The following TRIP13 variants were observed in gnomAD, a reference collection of about 807,000 sequenced individuals.
TRIP13 encodes thyroid hormone receptor interactor 13.
Under a neutral mutation model 54.4 loss-of-function variants are expected in TRIP13, and 25 were observed. The ratio of observed to expected loss-of-function variants is 0.46; its 90% CI spans 0.33 to 0.64. The LOEUF is 0.64. Ranked by LOEUF, TRIP13 falls within the 30% of genes least tolerant of loss-of-function variation. The pLI is 0.02. For synonymous variants in TRIP13, 207 were observed against 207.8 expected, an observed-to-expected ratio of 1.00 and a Z score of 0.03; for missense variants, 373 against 534.2, an observed-to-expected ratio of 0.70 and a Z score of 2.97.
intron 9 of TRIP13, among the ~76,000 whole-genome samples, chr5:910,614 G>C (rs1242540579): frequency 6.6e-6 from 1 of 152,140 alleles, no homozygotes. Context: ...AAGGGGGTGT[G>C]GCTCAGGAAG....
Position 907,886 on chromosome 5 carries a change from G to T in TRIP13, c.673-102G>T. 8.4e-7 allele frequency: 1 copy of T among 1,187,236 alleles called. No homozygotes were observed. Among genetic ancestry groups the T allele is most frequent in the South Asian group, 1.3e-5 (1 of 79,192 alleles). The allele number at this position is 1,187,236 out of a possible 1,614,324, so 73.5% of individuals were successfully genotyped here. On this transcript the variant is annotated intron_variant, in intron 7 of 12. Transcript: ENST00000166345. This position sits in a 1 kb window ranked among gnomAD's most constrained non-coding sequence, Gnocchi z 4.1. ...CTGAGGGGCCGTCAGGAGACAGTGG[G>T]CTTGTGGGGACAACTGGGGCAGCAG...
chr5:902,944 CT>C (rs1280208143), intron 5 of TRIP13, among the ~76,000 whole-genome samples: 1 of 152,220 alleles, frequency 6.6e-6, no homozygotes, highest in Admixed American at 6.5e-5. Context: ...ACTTTTAGTA[CT>C]TTCACTAATT....
rs1010711281 is a variant in TRIP13, at chr5:915,060, G to T, written c.1133+483G>T. ...GGCTGGGGAGGTGCCGGAGAGGCGGGGGGTGGAATGGACAGAGCCTCGGGT... is the reference window on the plus strand; with the variant it reads ...GGCTGGGGAGGTGCCGGAGAGGCGGTGGGTGGAATGGACAGAGCCTCGGGT... On this transcript the variant is annotated intron_variant, in intron 11 of 12. Transcript: ENST00000166345. This position sits in a 1 kb window ranked among gnomAD's most constrained non-coding sequence, Gnocchi z 4.2. Among the ~76,000 whole-genome samples the T allele has an allele frequency of 7.9e-5, 12 of 152,110 alleles. No homozygotes were observed. The highest frequency in any genetic ancestry group is 1.3e-4 in the Admixed American group (2 of 15,276).
In TRIP13 at chr5:901,209, T is replaced by G. The variant is rs887895767; in HGVS notation, c.445-132T>G. 7.0e-5 allele frequency: 46 copies of G among 654,216 alleles called. 1 individual carries two copies. The South Asian group carries it at 9.9e-4, about 14-fold the overall frequency. 40.5% of individuals were successfully genotyped at this position (654,216 alleles called of 1,614,324 possible). ...AAATGAAAGCGTTTGGAGGTGATGA[T>G]CTCTTAGGAGGCGGCCTCGCTCCCT... is the stretch of plus-strand genomic sequence containing the variant. On this transcript the variant is annotated intron_variant, in intron 4 of 12. Coordinates refer to ENST00000166345, the MANE Select transcript of TRIP13 (RefSeq NM_004237.4).
chr5:900,766 G>A (rs532208207), intron 4 of TRIP13, among the ~76,000 whole-genome samples: 6 of 152,340 alleles, frequency 3.9e-5, no homozygotes, highest in African/African-American at 9.6e-5. Flanking sequence ...AAGGGAGAAC[G>A]TGAAGGCAAC....
intron 9 of TRIP13, among the ~76,000 whole-genome samples, chr5:909,190 G>A (rs1754179552): frequency 6.6e-6 from 1 of 152,170 alleles, no homozygotes; most frequent in Non-Finnish European, 1.5e-5. Context: ...CCACAGCCCA[G>A]CCTCACAGGG....
In TRIP13 at chr5:892,906, C is replaced by A; in HGVS notation, c.-93C>A. ...GGCAGATTCGAAGCTAGGGCGGGGC[C>A]CGCGGGCTGAGGCAGCGGCTGTGGC... On this transcript the variant is annotated 5_prime_UTR_variant, in exon 1 of 13. Coordinates refer to ENST00000166345, the MANE Select transcript of TRIP13 (RefSeq NM_004237.4). The A allele has an allele frequency of 7.9e-7, 1 of 1,268,546 alleles. No individual in the cohort carries two copies. The highest frequency in any genetic ancestry group is 1.0e-6 in the Non-Finnish European group (1 of 966,602). 78.6% of individuals were successfully genotyped at this position (1,268,546 alleles called of 1,614,324 possible). A position where few individuals can be genotyped will look rare whatever the true frequency, so the allele number is the denominator to read the frequency against.
Position 917,175 on chromosome 5 carries a change from C to G in TRIP13, c.*72C>G. 1 of 1,474,958 alleles carries G rather than the reference C, an allele frequency of 6.8e-7. No homozygotes were observed. 91.4% of individuals were successfully genotyped at this position (1,474,958 alleles called of 1,614,324 possible). A position where few individuals can be genotyped will look rare whatever the true frequency, so the allele number is the denominator to read the frequency against. On this transcript the variant is annotated 3_prime_UTR_variant, in exon 13 of 13. Coordinates refer to ENST00000166345, the MANE Select transcript of TRIP13 (RefSeq NM_004237.4). ...CAGTAAGTGAGGTTGCCCCACACAGCCGTCTCCCAGGGAATCCCTTCTGCA... is the reference window on the plus strand; with the variant it reads ...CAGTAAGTGAGGTTGCCCCACACAGGCGTCTCCCAGGGAATCCCTTCTGCA...
Position 912,316 on chromosome 5 carries a change from C to T in TRIP13, c.1020+320C>T, listed in dbSNP as rs1366153103. On this transcript the variant is annotated intron_variant, in intron 10 of 12. Coordinates refer to ENST00000166345, the MANE Select transcript of TRIP13 (RefSeq NM_004237.4). The surrounding 1 kb of genome is among the most constrained non-coding windows in gnomAD (Gnocchi z 7.2). Reference sequence around the variant, plus strand: ...GCACAAACCTTAGTTCTCAGCTTACCCCGGGCTTTTCCAATGCCCTGCCTC... The same window carrying T: ...GCACAAACCTTAGTTCTCAGCTTACTCCGGGCTTTTCCAATGCCCTGCCTC... 6.6e-6 allele frequency among the ~76,000 whole-genome samples: 1 copy of T among 151,742 alleles called. No individual in the cohort carries two copies. Among genetic ancestry groups the T allele is most frequent in the African/African-American group, 2.4e-5 (1 of 41,292 alleles).
rs953944640 is a variant in TRIP13, at chr5:912,647, G to A, written c.1020+651G>A. On this transcript the variant is annotated intron_variant, in intron 10 of 12. Transcript: ENST00000166345. This position sits in a 1 kb window ranked among gnomAD's most constrained non-coding sequence, Gnocchi z 7.2. ...TCGCCACGGGCACAATGACATGTGC[G>A]GTGAGTGTGAGTCAGTAAGGCCGTC... is the stretch of plus-strand genomic sequence containing the variant. 1.3e-5 allele frequency among the ~76,000 whole-genome samples: 2 copies of A among 150,738 alleles called. No individual in the cohort carries two copies. Among genetic ancestry groups the A allele is most frequent in the South Asian group, 2.1e-4 (1 of 4,704 alleles).
chr5:893,210 C>T, intron 1 of TRIP13, 120 bp downstream of exon 1: 1 of 1,017,266 alleles, frequency 9.8e-7, no homozygotes, highest in Non-Finnish European at 1.4e-6. Flanking sequence ...GGTACTGATC[C>T]GGCCCGACTG....
intron 5 of TRIP13, among the ~76,000 whole-genome samples, 165 bp downstream of exon 5, chr5:901,596 G>C (rs1347444856): frequency 6.6e-6 from 1 of 151,290 alleles, no homozygotes; most frequent in African/African-American, 2.5e-5. Flanking sequence ...CATGACACTT[G>C]GGACATTTTT....
chr5:904,140 T>C lies in TRIP13; in HGVS notation c.536-8T>C, dbSNP rs1580054616. On this transcript the variant is annotated splice_polypyrimidine_tract_variant and splice_region_variant and intron_variant, in intron 5 of 12. Coordinates refer to ENST00000166345, the MANE Select transcript of TRIP13 (RefSeq NM_004237.4). ...TTAAAAATATATTTGCTTGGATCTT[T>C]GTCACAGGTCCTCCTGGCACTGGAA... 6.3e-7 allele frequency: 1 copy of C among 1,599,668 alleles called. No homozygotes were observed. Among genetic ancestry groups the C allele is most frequent in the Non-Finnish European group, 8.5e-7 (1 of 1,176,336 alleles).
In TRIP13 at chr5:908,132, C is replaced by G; in HGVS notation, c.759+58C>G. 1 of 1,579,040 alleles carries G rather than the reference C, an allele frequency of 6.3e-7. No individual in the cohort carries two copies. The highest frequency in any genetic ancestry group is 1.1e-5 in the South Asian group (1 of 90,348). On this transcript the variant is annotated intron_variant, in intron 8 of 12. Coordinates refer to ENST00000166345, the MANE Select transcript of TRIP13 (RefSeq NM_004237.4). This position sits in a 1 kb window ranked among gnomAD's most constrained non-coding sequence, Gnocchi z 5.2. Reference sequence around the variant, plus strand: ...GAATCGCCTTTTGCCATTGTGGGGACACAGCCTACTCCTGATGCTCCTAGC... The same window carrying G: ...GAATCGCCTTTTGCCATTGTGGGGAGACAGCCTACTCCTGATGCTCCTAGC...
rs867612011 is a variant in TRIP13 at position 908,953 on chromosome 5, G to A, written c.866+492G>A. On this transcript the variant is annotated intron_variant, in intron 9 of 12. Transcript: ENST00000166345. This position sits in a 1 kb window ranked among gnomAD's most constrained non-coding sequence, Gnocchi z 5.2. ...AGCCTGGGTGACAGAGCAAGACTCC[G>A]TCTCAGAAAAAAAAAATGTGAAAGA... The A allele has an allele frequency of 8.3e-5, 13 of 157,014 alleles. No individual in the cohort carries two copies. Among genetic ancestry groups the A allele is most frequent in the South Asian group, 5.7e-4 (3 of 5,254 alleles). The allele number at this position is 157,014 out of a possible 1,614,324, so 9.7% of individuals were successfully genotyped here.
At position 907,850 on chromosome 5, in the gene TRIP13, TAGGGAGCTTTCTG is replaced by T. The variant is rs1351193352; in HGVS notation, c.673-133_673-121del. Reference sequence around the variant, plus strand: ...CCATGCTGCCCTAGCTTCTCTGATTTAGGGAGCTTTCTGAGGGGCCGTCAGGAGACAGTGGGCT... The same window carrying T: ...CCATGCTGCCCTAGCTTCTCTGATTTAGGGGCCGTCAGGAGACAGTGGGCT... On this transcript the variant is annotated intron_variant, in intron 7 of 12. Transcript: ENST00000166345. The surrounding 1 kb of genome is among the most constrained non-coding windows in gnomAD (Gnocchi z 4.1). 1.8e-4 allele frequency: 144 copies of T among 785,264 alleles called. No homozygotes were observed. Among genetic ancestry groups the T allele is most frequent in the Non-Finnish European group, 4.5e-5 (21 of 464,878 alleles). 48.6% of individuals were successfully genotyped at this position (785,264 alleles called of 1,614,324 possible).
rs1392387686 is a variant in TRIP13 at position 917,727 on chromosome 5, C to G, written c.*624C>G. ...CATGGTCCCATTTGCAGGAAAAGTG[C>G]AGACTCTGAGTGTTCCAGGGAAACA... On this transcript the variant is annotated 3_prime_UTR_variant, in exon 13 of 13. Transcript: ENST00000166345. 6.6e-6 allele frequency: 1 copy of G among 152,204 alleles called. No individual in the cohort carries two copies. The highest frequency in any genetic ancestry group is 1.5e-5 in the Non-Finnish European group (1 of 68,062). The allele number at this position is 152,204 out of a possible 1,614,324, so 9.4% of individuals were successfully genotyped here. A position where few individuals can be genotyped will look rare whatever the true frequency, so the allele number is the denominator to read the frequency against.
At position 907,897 on chromosome 5, in the gene TRIP13, C is replaced by T; in HGVS notation, c.673-91C>T. 1 of 1,330,484 alleles carries T rather than the reference C, an allele frequency of 7.5e-7. No individual in the cohort carries two copies. The highest frequency in any genetic ancestry group is 1.1e-6 in the Non-Finnish European group (1 of 926,892). The allele number at this position is 1,330,484 out of a possible 1,614,324, so 82.4% of individuals were successfully genotyped here. A position where few individuals can be genotyped will look rare whatever the true frequency, so the allele number is the denominator to read the frequency against. ...TCAGGAGACAGTGGGCTTGTGGGGA[C>T]AACTGGGGCAGCAGGCCACATCAGG... On this transcript the variant is annotated intron_variant, in intron 7 of 12. Coordinates refer to ENST00000166345, the MANE Select transcript of TRIP13 (RefSeq NM_004237.4). The surrounding 1 kb of genome is among the most constrained non-coding windows in gnomAD (Gnocchi z 4.1).
rs1374247033 is a variant in TRIP13 at position 915,583 on chromosome 5, CT to C, written c.1134-320del. ...GGCTCCCGGGCAGGTGATGCCTTCC[CT>C]GAGCACAAGGATGCTGGCCCTGGGG... On this transcript the variant is annotated intron_variant, in intron 11 of 12. Transcript: ENST00000166345. The surrounding 1 kb of genome is among the most constrained non-coding windows in gnomAD (Gnocchi z 4.2). Among the ~76,000 whole-genome samples the C allele has an allele frequency of 2.0e-5, 3 of 151,308 alleles. No homozygotes were observed. Among genetic ancestry groups the C allele is most frequent in the African/African-American group, 7.3e-5 (3 of 41,252 alleles).
Sources: allele counts gnomAD v4.1 joint callset (sites outside exome capture counted in the v4.1 genomes callset), GRCh38; gene constraint gnomAD v4.1.1; non-coding constraint Gnocchi (gnomAD v3.1); transcripts MANE v1.5; gene names NCBI Gene and HGNC (gene_info 2026-07-23, HGNC 2026-07-21).